Variants in CELSR1 observed in about 807,000 individuals in gnomAD.
CELSR1 encodes adhesion G protein-coupled receptor C1.
CELSR1 carries 110 observed loss-of-function variants against 249.1 expected under a neutral mutation model. The observed-to-expected ratio is 0.44, with a 90% CI of 0.38 to 0.52. CELSR1 has a LOEUF of 0.52. Among genes scored for constraint, CELSR1 ranks in the 20% least tolerant of loss-of-function variants. CELSR1 has a pLI of 0.00. For missense variants in CELSR1, 4,109 were observed against 4,296.4 expected (o/e 0.96, Z 1.22); for synonymous variants, 2,113 against 1,900.0 (o/e 1.11, Z -2.92).
At position 46,430,820 on chromosome 22, in the gene CELSR1, G is replaced by A. The variant is rs2079587095; in HGVS notation, c.4611+2573C>T. 6.6e-6 allele frequency among the ~76,000 whole-genome samples: 1 copy of A among 152,098 alleles called. No individual in the cohort carries two copies. The highest frequency in any genetic ancestry group is 2.1e-4 in the South Asian group (1 of 4,810). On this transcript the variant is annotated intron_variant, in intron 5 of 34. Transcript: ENST00000674500. The surrounding 1 kb of genome is among the most constrained non-coding windows in gnomAD (Gnocchi z 4.6). ...CCAGCTCAGGTGCACTCCAGAGGAG[G>A]CCTCTGCACCTGGGTTTGTCAGAGC...
At position 46,401,832 on chromosome 22, in the gene CELSR1, A is replaced by T. The variant is rs566192537; in HGVS notation, c.5227-1930T>A. ...CCACCTCAGTCTGTGACTGCATTAAACTCTGTGACTTTGGGAGACCAAGGC... is the reference window on the plus strand; with the variant it reads ...CCACCTCAGTCTGTGACTGCATTAATCTCTGTGACTTTGGGAGACCAAGGC... On this transcript the variant is annotated intron_variant, in intron 9 of 34. Coordinates refer to ENST00000674500, the MANE Select transcript of CELSR1 (RefSeq NM_001378328.1). This position sits in a 1 kb window ranked among gnomAD's most constrained non-coding sequence, Gnocchi z 4.7. 5.3e-5 allele frequency among the ~76,000 whole-genome samples: 8 copies of T among 151,980 alleles called. No homozygotes were observed. The highest frequency in any genetic ancestry group is 2.6e-4 in the Admixed American group (4 of 15,254).
In CELSR1 at chr22:46,456,657, TGTCTA is replaced by T. The variant is rs1418023088; in HGVS notation, c.4183+7045_4183+7049del. Among the ~76,000 whole-genome samples, 427 of 96,360 alleles carry T rather than the reference TGTCTA, an allele frequency of 4.4e-3. 3 individuals carry two copies. The highest frequency in any genetic ancestry group is 0.018 in the African/African-American group (409 of 22,602). The allele number at this position is 96,360 out of a possible 152,430, so 63.2% of individuals were successfully genotyped here. ...CAGCCTGGGCGACAGAGCGAGACTC[TGTCTA>T]AAAAAAAAAAAAAAAAAAAAAAAAA... On this transcript the variant is annotated intron_variant, in intron 2 of 34. Transcript: ENST00000674500.
intron 9 of CELSR1, among the ~76,000 whole-genome samples, chr22:46,403,872 C>A (rs1326957576): frequency 6.7e-6 from 1 of 148,506 alleles, no homozygotes; most frequent in African/African-American, 2.5e-5. Flanking sequence ...ACTAAGGAGG[C>A]TGAGGCAAGG....
Position 46,391,549 on chromosome 22 carries a change from C to G in CELSR1, c.6148+84G>C. 1.1e-5 allele frequency: 15 copies of G among 1,415,992 alleles called. No individual in the cohort carries two copies. The South Asian group carries it at 2.2e-4, about 21-fold the overall frequency. The allele number at this position is 1,415,992 out of a possible 1,614,324, so 87.7% of individuals were successfully genotyped here. ...GGGAGCCCAGGGTCCCCCAAACACC[C>G]AGCGTGCATGCACACACGTGCACGC... On this transcript the variant is annotated intron_variant, in intron 15 of 34. Coordinates refer to ENST00000674500, the MANE Select transcript of CELSR1 (RefSeq NM_001378328.1). This position sits in a 1 kb window ranked among gnomAD's most constrained non-coding sequence, Gnocchi z 4.3.
chr22:46,364,414 T>C (rs2078742946), intron 33 of CELSR1, 98 bp downstream of exon 33: 14 of 1,499,802 alleles, frequency 9.3e-6, no homozygotes, highest in East Asian at 2.3e-5. Context: ...AGGCCCTGAC[T>C]TGCCCCACCA....
intron 29 of CELSR1, 115 bp from the exon 30 acceptor site, chr22:46,366,595 T>C (rs1569104398): frequency 8.4e-6 from 7 of 832,558 alleles, no homozygotes; most frequent in South Asian, 4.7e-5. Context: ...GCTGGGCCCC[T>C]GCCTGGCACA....
intron 1 of CELSR1, among the ~76,000 whole-genome samples, chr22:46,532,457 G>A (rs1261659407): frequency 6.6e-6 from 1 of 152,206 alleles, no homozygotes; most frequent in Non-Finnish European, 1.5e-5. Context: ...TAAGCAAACT[G>A]TAACTGGAAG....
At chr22:46,486,529 C>T (rs2080314590) in intron 1 of CELSR1, among the ~76,000 whole-genome samples, 1 of 151,418 alleles carries the variant, frequency 6.6e-6, no homozygotes, top group African/African-American at 2.4e-5. Flanking sequence ...GCCTGGGCGA[C>T]AGACTGAGAC....
rs117967969 is a variant in CELSR1, at chr22:46,466,190, A to G, written c.3545-1845T>C. On this transcript the variant is annotated intron_variant, in intron 1 of 34. Coordinates refer to ENST00000674500, the MANE Select transcript of CELSR1 (RefSeq NM_001378328.1). ...AGGTGGGGAAAACAAATGAGGCCAA[A>G]AGGCCTGAGGCAAAGGACATGGTGG... is the stretch of plus-strand genomic sequence containing the variant. Among the ~76,000 whole-genome samples the G allele has an allele frequency of 5.7e-3, 873 of 152,264 alleles. 1 individual carries two copies. The highest frequency in any genetic ancestry group is 7.1e-3 in the Non-Finnish European group (486 of 68,008).
chr22:46,419,852 C>G (rs559297055), intron 5 of CELSR1, among the ~76,000 whole-genome samples: 42 of 152,082 alleles, frequency 2.8e-4, no homozygotes, highest in South Asian at 8.3e-4. Context: ...CGTGCATACC[C>G]GCATTCACAC....
At chr22:46,491,661 G>A (rs542526036) in intron 1 of CELSR1, among the ~76,000 whole-genome samples, 25 of 144,850 alleles carry the variant, frequency 1.7e-4, no homozygotes, top group African/African-American at 5.3e-4. Context: ...TTTAGACAGG[G>A]TGTTATTCTG....
Position 46,536,975 on chromosome 22 carries a change from C to T in CELSR1, c.196G>A (p.Asp66Asn). 8.8e-7 allele frequency: 1 copy of T among 1,134,188 alleles called. No individual in the cohort carries two copies. Among genetic ancestry groups the T allele is most frequent in the South Asian group, 3.7e-5 (1 of 26,846 alleles). 70.3% of individuals were successfully genotyped at this position (1,134,188 alleles called of 1,614,324 possible). A position where few individuals can be genotyped will look rare whatever the true frequency, so the allele number is the denominator to read the frequency against. Residue 66 changes from aspartate to asparagine, a missense_variant, in exon 1 of 35, where the codon GAC becomes AAC. Asp to Asn is a conservative substitution (Grantham distance 23). Around this residue, in one of 7 missense-constraint regions of CELSR1, gnomAD observed 673 missense variants for 636.8 expected, o/e 1.06. Transcript: ENST00000674500. ...CTPRAPRELL[D>N]VGRDGRLAGR... ...GCCAGCCGCCCATCGCGGCCCACGT[C>T]CAGCAGCTCCCGCGGCGCCCGGGGC...
At chr22:46,498,620 A>G (rs1331075312) in intron 1 of CELSR1, among the ~76,000 whole-genome samples, 3 of 151,924 alleles carry the variant, frequency 2.0e-5, no homozygotes, top group South Asian at 4.2e-4. Flanking sequence ...TCAAAAAAAA[A>G]AAAAAGAAAA....
chr22:46,520,757 C>A (rs906965169), intron 1 of CELSR1, among the ~76,000 whole-genome samples: 1 of 152,126 alleles, frequency 6.6e-6, no homozygotes, highest in Non-Finnish European at 1.5e-5. Context: ...CCACTGTAAC[C>A]ATTTTTAAAT....
At position 46,410,306 on chromosome 22, in the gene CELSR1, C is replaced by A. The variant is rs2079317897; in HGVS notation, c.4933+92G>T. On this transcript the variant is annotated intron_variant, in intron 7 of 34. Transcript: ENST00000674500. This position sits in a 1 kb window ranked among gnomAD's most constrained non-coding sequence, Gnocchi z 6.8. ...ACATTTCTAAGAAAAACACGGCTCC[C>A]CAGGGATCTGCAAGCAGTGACCTCT... 1 of 1,499,988 alleles carries A rather than the reference C, an allele frequency of 6.7e-7. No homozygotes were observed. Among genetic ancestry groups the A allele is most frequent in the African/African-American group, 1.4e-5 (1 of 72,814 alleles). The allele number at this position is 1,499,988 out of a possible 1,614,324, so 92.9% of individuals were successfully genotyped here.
chr22:46,478,403 C>T (rs998955405), intron 1 of CELSR1, among the ~76,000 whole-genome samples: 1 of 152,224 alleles, frequency 6.6e-6, no homozygotes, highest in Non-Finnish European at 1.5e-5. Context: ...AACAAGTGGG[C>T]ACCTGGTTCT....
chr22:46,521,043 A>C lies in CELSR1; in HGVS notation c.3544+12584T>G, dbSNP rs542198387. 2.0e-5 allele frequency among the ~76,000 whole-genome samples: 3 copies of C among 152,276 alleles called. No individual in the cohort carries two copies. In the East Asian group the frequency reaches 5.8e-4, roughly 29 times the overall value. ...CCTCAAGGTTCACCCACGTTGTAGT[A>C]AGTGTCAGAATTTCCGTCCTTTTTC... On this transcript the variant is annotated intron_variant, in intron 1 of 34. Coordinates refer to ENST00000674500, the MANE Select transcript of CELSR1 (RefSeq NM_001378328.1).
At chr22:46,525,870 G>A (rs563310017) in intron 1 of CELSR1, among the ~76,000 whole-genome samples, 3 of 152,368 alleles carry the variant, frequency 2.0e-5, no homozygotes, top group Admixed American at 1.3e-4. Context: ...AGCGACACTG[G>A]GGCCAGCGTG....
chr22:46,453,343 G>A (rs888953261), intron 2 of CELSR1, among the ~76,000 whole-genome samples: 4 of 152,180 alleles, frequency 2.6e-5, no homozygotes, highest in Middle Eastern at 3.2e-3. Context: ...GCACCCCAAC[G>A]GTTCAAATTC....
Sources: allele counts gnomAD v4.1 joint callset (sites outside exome capture counted in the v4.1 genomes callset), GRCh38; gene constraint gnomAD v4.1.1; regional missense constraint gnomAD v4.1.1; non-coding constraint Gnocchi (gnomAD v3.1); transcripts MANE v1.5; gene names NCBI Gene and HGNC (gene_info 2026-07-23, HGNC 2026-07-21).